Variants in BAZ1B observed in about 807,000 individuals in gnomAD.
The protein encoded by BAZ1B is tyrosine-protein kinase BAZ1B.
In BAZ1B, 22 loss-of-function variants were observed where a neutral mutation model predicts 153.8. That is an observed-to-expected ratio of 0.14 (90% CI 0.10 to 0.20). BAZ1B has a LOEUF of 0.20. Ranked by LOEUF, BAZ1B falls within the 10% of genes least tolerant of loss-of-function variation. BAZ1B has a pLI of 1.00. For missense variants in BAZ1B, 1,325 were observed against 1,799.3 expected (o/e 0.74, Z 4.77); for synonymous variants, 676 against 633.4 (o/e 1.07, Z -1.01).
At chr7:73,520,908 G>GT (rs1275147147) in intron 1 of BAZ1B, among the ~76,000 whole-genome samples, 13 of 151,494 alleles carry the variant, frequency 8.6e-5, no homozygotes, top group East Asian at 3.9e-4. Flanking sequence ...AATCGTTTTT[G>GT]TTTTTTTTAC....
At chr7:73,508,726 C>T (rs534624247) in intron 2 of BAZ1B, among the ~76,000 whole-genome samples, 41 of 152,238 alleles carry the variant, frequency 2.7e-4, no homozygotes, top group Non-Finnish European at 5.0e-4. Flanking sequence ...TAAGACTTAA[C>T]TTTTGGGCAG....
rs542077096 is a variant in BAZ1B, at chr7:73,441,539, T to TG, written c.*169dup. 27 of 152,082 alleles carry TG rather than the reference T, an allele frequency of 1.8e-4. No individual in the cohort carries two copies. The highest frequency in any genetic ancestry group is 4.2e-4 in the South Asian group (2 of 4,804). The allele number at this position is 152,082 out of a possible 1,614,324, so 9.4% of individuals were successfully genotyped here. On this transcript the variant is annotated 3_prime_UTR_variant, in exon 20 of 20. Transcript: ENST00000339594. ...TGTTTTTTGTGGTTTTTTTATTTTTTGGGGGGGTGGGAGGAGCTGTCACAA... is the reference window on the plus strand; with the variant it reads ...TGTTTTTTGTGGTTTTTTTATTTTTTGGGGGGGGTGGGAGGAGCTGTCACAA...
intron 1 of BAZ1B, 95 bp from the exon 2 acceptor site, chr7:73,510,947 C>G: frequency 9.8e-7 from 1 of 1,022,294 alleles, no homozygotes. Flanking sequence ...ATCTAGTCTC[C>G]TTTTTAAAAT....
chr7:73,510,322 G>C (rs545867768), intron 2 of BAZ1B, among the ~76,000 whole-genome samples: 1 of 151,454 alleles, frequency 6.6e-6, no homozygotes, highest in East Asian at 2.0e-4. Context: ...CCAGCTACTT[G>C]GGAGGCTGAG....
rs1421333918 is a variant in BAZ1B at position 73,521,979 on chromosome 7, C to G, written c.-46G>C. On this transcript the variant is annotated 5_prime_UTR_variant, in exon 1 of 20. Transcript: ENST00000339594. ...CTGGCGGCTGCTGGGGCCGGCCCCG[C>G]GGCGCAGCACTAGGCCCCGCGGCCC... 7.7e-7 allele frequency: 1 copy of G among 1,302,252 alleles called. No individual in the cohort carries two copies. Among genetic ancestry groups the G allele is most frequent in the Non-Finnish European group, 9.8e-7 (1 of 1,016,042 alleles). 80.7% of individuals were successfully genotyped at this position (1,302,252 alleles called of 1,614,324 possible). A position where few individuals can be genotyped will look rare whatever the true frequency, so the allele number is the denominator to read the frequency against.
intron 4 of BAZ1B, among the ~76,000 whole-genome samples, chr7:73,494,724 A>G (rs184665232): frequency 1.4e-3 from 207 of 152,276 alleles, no homozygotes; most frequent in Non-Finnish European, 2.5e-3. Flanking sequence ...ACACCAGCCT[A>G]GACAACAGAG....
At chr7:73,441,846 G>C (rs1787629271) in intron 19 of BAZ1B, 153 bp from the exon 20 acceptor site, 4 of 318,780 alleles carry the variant, frequency 1.3e-5, no homozygotes, top group Non-Finnish European at 2.3e-5. Flanking sequence ...CTCCCCTGGA[G>C]ACCAGAGGGG....
chr7:73,492,746 T>C, intron 5 of BAZ1B, 54 bp downstream of exon 5: 8 of 1,499,210 alleles, frequency 5.3e-6, no homozygotes, highest in Non-Finnish European at 7.2e-6. Flanking sequence ...AGCAACCCTA[T>C]GATATTTTCT....
At chr7:73,492,732 C>A in intron 5 of BAZ1B, 68 bp downstream of exon 5, 1 of 1,451,446 alleles carries the variant, frequency 6.9e-7, no homozygotes, top group Admixed American at 2.4e-5. Context: ...TTTTCTCCAA[C>A]AAAAGCAACC....
intron 12 of BAZ1B, 24 bp from the exon 13 acceptor site, chr7:73,459,742 A>AGACTGAG (rs1554570079): frequency 6.4e-7 from 1 of 1,562,840 alleles, no homozygotes; most frequent in Admixed American, 2.1e-5. Context: ...TTTTAAAACC[A>AGACTGAG]GACTGAGAAA....
intron 3 of BAZ1B, among the ~76,000 whole-genome samples, chr7:73,504,857 C>A (rs1197207787): frequency 6.6e-6 from 1 of 151,956 alleles, no homozygotes; most frequent in Non-Finnish European, 1.5e-5. Flanking sequence ...AACAAAAACC[C>A]CACTAGTACT....
intron 9 of BAZ1B, among the ~76,000 whole-genome samples, chr7:73,466,870 T>C (rs567002070): frequency 6.6e-6 from 1 of 152,324 alleles, no homozygotes; most frequent in East Asian, 1.9e-4. Context: ...TTAACATAGA[T>C]ATATCTTGAG....
intron 13 of BAZ1B, 76 bp from the exon 14 acceptor site, chr7:73,451,070 G>C: frequency 1.3e-6 from 2 of 1,526,040 alleles, no homozygotes; most frequent in Non-Finnish European, 1.8e-6. Flanking sequence ...ACAGGGGACA[G>C]TATGAGAGAA....
In BAZ1B at chr7:73,450,203, G is replaced by A. The variant is rs782392644; in HGVS notation, c.3581-514C>T. ...GCTGGGATTACAGGCGTGAGCCACC[G>A]CGCCCGGCCCCTGATGGGTTCCCTT... On this transcript the variant is annotated intron_variant, in intron 14 of 19. Transcript: ENST00000339594. The surrounding 1 kb of genome is among the most constrained non-coding windows in gnomAD (Gnocchi z 4.1). 2.0e-5 allele frequency among the ~76,000 whole-genome samples: 3 copies of A among 151,956 alleles called. No individual in the cohort carries two copies. Among genetic ancestry groups the A allele is most frequent in the Non-Finnish European group, 4.4e-5 (3 of 67,984 alleles).
intron 4 of BAZ1B, among the ~76,000 whole-genome samples, chr7:73,494,686 C>T (rs1554576185): frequency 1.3e-5 from 2 of 152,002 alleles, no homozygotes; most frequent in Admixed American, 6.6e-5. Flanking sequence ...GAGGTTGAGG[C>T]TGCAATGAGC....
chr7:73,489,395 G>T lies in BAZ1B; in HGVS notation c.694-4C>A, dbSNP rs782401373. The T allele has an allele frequency of 6.2e-7, 1 of 1,613,760 alleles. No individual in the cohort carries two copies. Among genetic ancestry groups the T allele is most frequent in the Non-Finnish European group, 8.5e-7 (1 of 1,179,952 alleles). On this transcript the variant is annotated splice_region_variant and splice_polypyrimidine_tract_variant and intron_variant, in intron 5 of 19. Coordinates refer to ENST00000339594, the MANE Select transcript of BAZ1B (RefSeq NM_032408.4). ...CTGCTGGCACGTTACTGATGATCTAGGTTAAAAAGAAACAAATAACTCACC... is the reference window on the plus strand; with the variant it reads ...CTGCTGGCACGTTACTGATGATCTATGTTAAAAAGAAACAAATAACTCACC...
intron 7 of BAZ1B, among the ~76,000 whole-genome samples, 181 bp downstream of exon 7, chr7:73,476,687 T>G (rs1789012918): frequency 6.6e-6 from 1 of 152,128 alleles, no homozygotes; most frequent in African/African-American, 2.4e-5. Flanking sequence ...GGCTGAACAC[T>G]CCAGCTGAAA....
chr7:73,459,014 C>T (rs1158726654), intron 13 of BAZ1B, among the ~76,000 whole-genome samples: 2 of 151,978 alleles, frequency 1.3e-5, no homozygotes, highest in East Asian at 1.9e-4. Context: ...ATTGGGAGGC[C>T]GAAGCGGGTA....
At chr7:73,520,489 T>C (rs1389872477) in intron 1 of BAZ1B, among the ~76,000 whole-genome samples, 2 of 152,052 alleles carry the variant, frequency 1.3e-5, no homozygotes, top group Non-Finnish European at 2.9e-5. Flanking sequence ...TCTTTCATCA[T>C]TTGACCTTCA....
Sources: allele counts gnomAD v4.1 joint callset (sites outside exome capture counted in the v4.1 genomes callset), GRCh38; gene constraint gnomAD v4.1.1; non-coding constraint Gnocchi (gnomAD v3.1); transcripts MANE v1.5; gene names NCBI Gene and HGNC (gene_info 2026-07-23, HGNC 2026-07-21).